The following RANBP2 variants were observed in gnomAD, a reference collection of about 807,000 sequenced individuals.
RANBP2 encodes RAN binding protein 2.
RANBP2 carries 57 observed loss-of-function variants against 303.6 expected under a neutral mutation model. The ratio of observed to expected loss-of-function variants is 0.19; its 90% CI spans 0.15 to 0.23. RANBP2 has a LOEUF of 0.23. RANBP2 is among the 10% of genes least tolerant of loss of function. RANBP2 has a pLI of 1.00. For missense variants in RANBP2, 3,138 were observed against 3,780.8 expected (o/e 0.83, Z 4.46); for synonymous variants, 1,167 against 1,301.5 (o/e 0.90, Z 2.23).
the RANBP2 span, among the ~76,000 whole-genome samples, chr2:109,121,053 T>C: frequency 5.9e-5 from 9 of 152,266 alleles, no homozygotes; most frequent in Non-Finnish European, 1.2e-4. Flanking sequence ...GAGACCATCC[T>C]AGCTAACATG....
At chr2:109,166,326 A>C in the RANBP2 span, among the ~76,000 whole-genome samples, 2 of 152,008 alleles carry the variant, frequency 1.3e-5, no homozygotes, top group African/African-American at 2.4e-5. Context: ...AAAATAAAAA[A>C]ATTAGCCGAG....
At chr2:109,249,536 C>CTTTTTCT in the RANBP2 span, among the ~76,000 whole-genome samples, 2 of 74,080 alleles carry the variant, frequency 2.7e-5, no homozygotes, top group Non-Finnish European at 5.5e-5. Flanking sequence ...TCTTTCTTTC[C>CTTTTTCT]TTCCTTCCTT....
the RANBP2 span, among the ~76,000 whole-genome samples, chr2:109,380,793 C>T: frequency 6.6e-6 from 1 of 152,228 alleles, no homozygotes; most frequent in African/African-American, 2.4e-5. Flanking sequence ...TGCCCCCCAC[C>T]ACCTGCATAG....
chr2:109,146,145 T>A, the RANBP2 span, among the ~76,000 whole-genome samples: 1 of 152,186 alleles, frequency 6.6e-6, no homozygotes, highest in East Asian at 1.9e-4. Flanking sequence ...TTCTTGAGTC[T>A]TAAGTTTTCA....
At chr2:109,555,495 G>A in the RANBP2 span, among the ~76,000 whole-genome samples, 1 of 152,118 alleles carries the variant, frequency 6.6e-6, no homozygotes, top group Non-Finnish European at 1.5e-5. Context: ...AAAAGAATGA[G>A]GGTCATGATC....
At chr2:109,400,746 GGCTGAGGTCTGGAATGGGTGCTGTAGTGT>G in the RANBP2 span, among the ~76,000 whole-genome samples, 16 of 152,348 alleles carry the variant, frequency 1.1e-4, no homozygotes, top group African/African-American at 3.1e-4. Flanking sequence ...CGGCGGCTGA[GGCTGAGGTCTGGAATGGGTGCTGTAGTGT>G]CTGGAGCTGT....
At chr2:109,763,822 C>T in the RANBP2 span, among the ~76,000 whole-genome samples, 2 of 149,074 alleles carry the variant, frequency 1.3e-5, no homozygotes, top group Non-Finnish European at 3.0e-5. Context: ...CATCATTTTC[C>T]AATTGAACAA....
the RANBP2 span, among the ~76,000 whole-genome samples, chr2:109,216,835 C>G: frequency 6.6e-6 from 1 of 152,202 alleles, no homozygotes; most frequent in Non-Finnish European, 1.5e-5. Flanking sequence ...GCAAACAGTT[C>G]AGTGGCATTA....
At chr2:109,591,880 G>C in the RANBP2 span, among the ~76,000 whole-genome samples, 1 of 151,922 alleles carries the variant, frequency 6.6e-6, no homozygotes. Context: ...CTGGGCAACA[G>C]AGTGAGCAAG....
chr2:109,162,020 GCCCCCTCCTTGGGATGTGTC>G, the RANBP2 span, among the ~76,000 whole-genome samples: 1 of 152,112 alleles, frequency 6.6e-6, no homozygotes, highest in Admixed American at 6.5e-5. Context: ...CCCTCCTCCA[GCCCCCTCCTTGGGATGTGTC>G]CTCAGGATCT....
chr2:109,569,438 A>T, the RANBP2 span, among the ~76,000 whole-genome samples: 42 of 49,454 alleles, frequency 8.5e-4, no homozygotes, highest in African/African-American at 3.4e-3. Context: ...AACTCTTGTT[A>T]AAAAAAAAAA....
intron 6 of RANBP2, among the ~76,000 whole-genome samples, chr2:108,737,289 C>T (rs1236484629): frequency 6.6e-6 from 1 of 150,924 alleles, no homozygotes; most frequent in African/African-American, 2.4e-5. Flanking sequence ...TTGTTAAGGA[C>T]ATCGAAGATC....
chr2:109,600,324 T>A, the RANBP2 span, among the ~76,000 whole-genome samples: 1 of 152,054 alleles, frequency 6.6e-6, no homozygotes, highest in Non-Finnish European at 1.5e-5. Flanking sequence ...CTGCCCCTCA[T>A]CTCCAAGAAA....
the RANBP2 span, among the ~76,000 whole-genome samples, chr2:108,952,050 C>G: frequency 6.6e-6 from 1 of 152,170 alleles, no homozygotes; most frequent in Admixed American, 6.5e-5. Context: ...CTTGTTACTG[C>G]TTTGTTTTTT....
chr2:109,375,416 G>A, the RANBP2 span, among the ~76,000 whole-genome samples: 1 of 152,268 alleles, frequency 6.6e-6, no homozygotes, highest in East Asian at 1.9e-4. Flanking sequence ...AGCCTAGGCT[G>A]ACCCTGCCCC....
At chr2:109,263,710 T>C in the RANBP2 span, among the ~76,000 whole-genome samples, 1,301 of 152,308 alleles carry the variant, frequency 8.5e-3, 16 homozygotes, top group African/African-American at 0.03. Flanking sequence ...CTCACGCCTG[T>C]AATCCCAGCA....
the RANBP2 span, among the ~76,000 whole-genome samples, chr2:109,134,887 T>A: frequency 6.6e-6 from 1 of 152,190 alleles, no homozygotes; most frequent in East Asian, 1.9e-4. Context: ...CAGCATCAAA[T>A]CTGTTGTGGC....
chr2:109,180,439 G>T, the RANBP2 span, among the ~76,000 whole-genome samples: 1 of 152,166 alleles, frequency 6.6e-6, no homozygotes, highest in Admixed American at 6.5e-5. Context: ...CTCCTCAGGG[G>T]TCAGGTGACT....
chr2:109,358,087 T>G, the RANBP2 span, among the ~76,000 whole-genome samples: 1 of 152,186 alleles, frequency 6.6e-6, no homozygotes, highest in East Asian at 1.9e-4. Context: ...ACCACTGACC[T>G]TTGTACTGTC....
Sources: allele counts gnomAD v4.1 joint callset (sites outside exome capture counted in the v4.1 genomes callset), GRCh38; gene constraint gnomAD v4.1.1; transcripts MANE v1.5; gene names NCBI Gene and HGNC (gene_info 2026-07-23, HGNC 2026-07-21).